Variants in AGAP1 observed in about 807,000 individuals in gnomAD.
The protein encoded by AGAP1 is arf-GAP with GTPase, ANK repeat and PH domain-containing protein 1.
AGAP1 carries 29 observed loss-of-function variants against 105.3 expected under a neutral mutation model. That is an observed-to-expected ratio of 0.28 (90% CI 0.21 to 0.38). AGAP1 has a LOEUF of 0.38. AGAP1 is among the 10% of genes least tolerant of loss of function. The probability of loss-of-function intolerance (pLI) is 1.00; values close to 1 mark genes in which losing one functional copy is unlikely to be tolerated. For synonymous variants in AGAP1, 509 were observed against 485.9 expected (o/e 1.05, Z -0.63); for missense variants, 998 against 1,165.1 (o/e 0.86, Z 2.09).
intron 16 of AGAP1, among the ~76,000 whole-genome samples, chr2:236,065,140 T>A (rs781691370): frequency 2.6e-5 from 4 of 152,242 alleles, no homozygotes; most frequent in Non-Finnish European, 4.4e-5. Flanking sequence ...CGTGCTGCCT[T>A]CATCACGGGC....
intron 8 of AGAP1, among the ~76,000 whole-genome samples, chr2:235,804,603 G>A (rs533244387): frequency 6.6e-6 from 1 of 152,348 alleles, no homozygotes; most frequent in South Asian, 2.1e-4. Flanking sequence ...CTGTAGGCAG[G>A]TAGTTAGTTG....
chr2:235,559,841 CTT>C lies in AGAP1; in HGVS notation c.163+64996_163+64997del, dbSNP rs1476286826. 6.6e-6 allele frequency among the ~76,000 whole-genome samples: 1 copy of C among 151,160 alleles called. No homozygotes were observed. The highest frequency in any genetic ancestry group is 1.5e-5 in the Non-Finnish European group (1 of 67,838). On this transcript the variant is annotated intron_variant, in intron 1 of 17. Coordinates refer to ENST00000304032, the MANE Select transcript of AGAP1 (RefSeq NM_001037131.3). The surrounding 1 kb of genome is among the most constrained non-coding windows in gnomAD (Gnocchi z 5.7). ...TCTTTTGACTGTTTTTAAATTGAGTCTTTTTATTGTTGAGTGGTTGGAGTTAT... is the reference window on the plus strand; with the variant it reads ...TCTTTTGACTGTTTTTAAATTGAGTCTTTATTGTTGAGTGGTTGGAGTTAT...
At chr2:235,870,088 TCGGACACTAG>T (rs967783111) in intron 9 of AGAP1, among the ~76,000 whole-genome samples, 19 of 152,206 alleles carry the variant, frequency 1.2e-4, no homozygotes, top group African/African-American at 4.6e-4. Context: ...TGTGCCATCT[TCGGACACTAG>T]CTACTTCACT....
At position 235,934,065 on chromosome 2, in the gene AGAP1, C is replaced by T. The variant is rs886867221; in HGVS notation, c.1483+3142C>T. 6.6e-5 allele frequency among the ~76,000 whole-genome samples: 10 copies of T among 152,136 alleles called. No homozygotes were observed. Among genetic ancestry groups the T allele is most frequent in the Non-Finnish European group, 8.8e-5 (6 of 68,036 alleles). ...GGGGCCAGGATTCAAACTCAGGTGG[C>T]CCGATTCAGCTCTCCATCACTGCAT... On this transcript the variant is annotated intron_variant, in intron 12 of 17. Coordinates refer to ENST00000304032, the MANE Select transcript of AGAP1 (RefSeq NM_001037131.3). This position sits in a 1 kb window ranked among gnomAD's most constrained non-coding sequence, Gnocchi z 4.9.
chr2:235,606,945 GAAAAAAA>G (rs5839603), intron 1 of AGAP1, among the ~76,000 whole-genome samples: 1 of 61,940 alleles, frequency 1.6e-5, no homozygotes, highest in African/African-American at 6.1e-5. Context: ...ACTGCCTCTT[GAAAAAAA>G]AAAAAAAAAA....
intron 11 of AGAP1, among the ~76,000 whole-genome samples, chr2:235,916,652 T>G (rs928344279): frequency 2.0e-5 from 3 of 152,214 alleles, no homozygotes; most frequent in African/African-American, 7.2e-5. Flanking sequence ...GGAAATGATG[T>G]CCACCTCTGT....
chr2:235,773,915 T>G, intron 6 of AGAP1: 1 of 462,010 alleles, frequency 2.2e-6, no homozygotes, highest in Non-Finnish European at 4.4e-6. Context: ...CTTGAGATAT[T>G]TTACGTTTGA....
intron 1 of AGAP1, among the ~76,000 whole-genome samples, chr2:235,677,028 C>G (rs1559337632): frequency 6.6e-6 from 1 of 152,204 alleles, no homozygotes; most frequent in Non-Finnish European, 1.5e-5. Flanking sequence ...AAATTAGAAT[C>G]CGCTGTGGTG....
At chr2:235,496,310 G>A (rs1005436865) in intron 1 of AGAP1, among the ~76,000 whole-genome samples, 5 of 152,166 alleles carry the variant, frequency 3.3e-5, no homozygotes, top group Non-Finnish European at 5.9e-5. Context: ...GAGGTCACCT[G>A]GCTGCCTTGT....
rs1205735155 is a variant in AGAP1, at chr2:235,609,449, A to G, written c.164-99730A>G. ...CTGGGCACGATCATTCGAGATTCCAAGAGGTAAGAACTGGGGGCTGGGCTG... is the reference window on the plus strand; with the variant it reads ...CTGGGCACGATCATTCGAGATTCCAGGAGGTAAGAACTGGGGGCTGGGCTG... On this transcript the variant is annotated intron_variant, in intron 1 of 17. Transcript: ENST00000304032. This position sits in a 1 kb window ranked among gnomAD's most constrained non-coding sequence, Gnocchi z 5.1. 6.6e-6 allele frequency among the ~76,000 whole-genome samples: 1 copy of G among 152,134 alleles called. No homozygotes were observed. The highest frequency in any genetic ancestry group is 1.9e-4 in the East Asian group (1 of 5,180).
intron 1 of AGAP1, among the ~76,000 whole-genome samples, chr2:235,699,696 C>T (rs528417168): frequency 6.6e-6 from 1 of 152,338 alleles, no homozygotes; most frequent in South Asian, 2.1e-4. Flanking sequence ...CAGTGCTTTA[C>T]CCATAGGATG....
rs2060087510 is a variant in AGAP1 at position 236,131,780 on chromosome 2, T to A, written c.*7658T>A. On this transcript the variant is annotated 3_prime_UTR_variant, in exon 18 of 18. Coordinates refer to ENST00000304032, the MANE Select transcript of AGAP1 (RefSeq NM_001037131.3). The surrounding 1 kb of genome is among the most constrained non-coding windows in gnomAD (Gnocchi z 5.9). ...TAGAGACCTCTTTCTAATAAAGAAA[T>A]GAAAATATGTCTACACCGCTTCCGT... 6.6e-6 allele frequency: 1 copy of A among 151,518 alleles called. No individual in the cohort carries two copies. Among genetic ancestry groups the A allele is most frequent in the Middle Eastern group, 3.2e-3 (1 of 314 alleles). The allele number at this position is 151,518 out of a possible 1,614,324, so 9.4% of individuals were successfully genotyped here.
Position 236,123,783 on chromosome 2 carries a change from TG to T in AGAP1, c.2371-134del. ...CTGTGCCACCAGCACTGGATGGTCCTGGCACCCCAGCCAGTTGTGTAGCTGG... is the reference window on the plus strand; with the variant it reads ...CTGTGCCACCAGCACTGGATGGTCCTGCACCCCAGCCAGTTGTGTAGCTGG... On this transcript the variant is annotated intron_variant, in intron 17 of 17. Coordinates refer to ENST00000304032, the MANE Select transcript of AGAP1 (RefSeq NM_001037131.3). The surrounding 1 kb of genome is among the most constrained non-coding windows in gnomAD (Gnocchi z 4.6). The T allele has an allele frequency of 1.8e-6, 2 of 1,094,316 alleles. No homozygotes were observed. The highest frequency in any genetic ancestry group is 2.7e-6 in the Non-Finnish European group (2 of 751,302). The allele number at this position is 1,094,316 out of a possible 1,614,324, so 67.8% of individuals were successfully genotyped here.
Position 235,517,822 on chromosome 2 carries a change from A to G in AGAP1, c.163+22973A>G, listed in dbSNP as rs758330803. 1.3e-5 allele frequency among the ~76,000 whole-genome samples: 2 copies of G among 151,784 alleles called. No homozygotes were observed. Among genetic ancestry groups the G allele is most frequent in the Non-Finnish European group, 2.9e-5 (2 of 67,938 alleles). On this transcript the variant is annotated intron_variant, in intron 1 of 17. Transcript: ENST00000304032. The surrounding 1 kb of genome is among the most constrained non-coding windows in gnomAD (Gnocchi z 4.1). ...CATGGTGGCGTGTGCCTGTAACCCCAGCTACACGGGAGGCTGAGGCAGGAG... is the reference window on the plus strand; with the variant it reads ...CATGGTGGCGTGTGCCTGTAACCCCGGCTACACGGGAGGCTGAGGCAGGAG...
chr2:235,759,335 AT>A (rs1053272004), intron 6 of AGAP1, among the ~76,000 whole-genome samples: 47 of 150,764 alleles, frequency 3.1e-4, no homozygotes, highest in South Asian at 6.3e-4. Flanking sequence ...CGCCCGGCTA[AT>A]TTTTTTGTAT....
chr2:235,795,693 C>A lies in AGAP1; in HGVS notation c.674-2066C>A, dbSNP rs187935736. Among the ~76,000 whole-genome samples the A allele has an allele frequency of 1.4e-4, 22 of 152,232 alleles. No homozygotes were observed. The East Asian group carries it at 4.3e-3, about 29-fold the overall frequency. On this transcript the variant is annotated intron_variant, in intron 6 of 17. Transcript: ENST00000304032. Reference sequence around the variant, plus strand: ...AAAAAATAGTAGAGTTTAAAAACTACTACCAGTTACCGGATGTTGTGACTT... The same window carrying A: ...AAAAAATAGTAGAGTTTAAAAACTAATACCAGTTACCGGATGTTGTGACTT...
chr2:235,870,536 G>T (rs376948723), intron 9 of AGAP1, among the ~76,000 whole-genome samples: 2 of 152,108 alleles, frequency 1.3e-5, no homozygotes, highest in Non-Finnish European at 1.5e-5. Flanking sequence ...TGAGGCAGGA[G>T]AATCACTTGA....
chr2:235,707,169 G>A (rs988080693), intron 1 of AGAP1, among the ~76,000 whole-genome samples: 4 of 152,226 alleles, frequency 2.6e-5, no homozygotes, highest in Admixed American at 1.3e-4. Context: ...AAGTCTTTGC[G>A]GGCAGTGCAG....
In AGAP1 at chr2:235,843,459, G is replaced by C. The variant is rs1335025123; in HGVS notation, c.1050+36128G>C. ...TTTCTTCCTGGAAAGGTATTTTCTG[G>C]GGCCAGGGAGCAATGTTACCATTTC... On this transcript the variant is annotated intron_variant, in intron 9 of 17. Coordinates refer to ENST00000304032, the MANE Select transcript of AGAP1 (RefSeq NM_001037131.3). This position sits in a 1 kb window ranked among gnomAD's most constrained non-coding sequence, Gnocchi z 5.9. 6.6e-6 allele frequency among the ~76,000 whole-genome samples: 1 copy of C among 152,020 alleles called. No individual in the cohort carries two copies. The highest frequency in any genetic ancestry group is 6.6e-5 in the Admixed American group (1 of 15,250).
Sources: allele counts gnomAD v4.1 joint callset (sites outside exome capture counted in the v4.1 genomes callset), GRCh38; gene constraint gnomAD v4.1.1; non-coding constraint Gnocchi (gnomAD v3.1); transcripts MANE v1.5; gene names NCBI Gene and HGNC (gene_info 2026-07-23, HGNC 2026-07-21).